CWC27: variants seen among roughly 807,000 people sequenced by gnomAD.
CWC27 encodes CWC27 spliceosome associated cyclophilin.
A neutral mutation model predicts 63.6 loss-of-function variants in CWC27; 47 were observed. The ratio of observed to expected loss-of-function variants is 0.74; its 90% CI spans 0.58 to 0.94. The LOEUF (loss-of-function observed/expected upper bound fraction) is 0.94. Ranked by LOEUF, CWC27 falls within the 40% of genes least tolerant of loss-of-function variation. The pLI is 0.00. For missense variants in CWC27, 495 were observed against 554.3 expected, an observed-to-expected ratio of 0.89 and a Z score of 1.07; for synonymous variants, 175 against 179.8, an observed-to-expected ratio of 0.97 and a Z score of 0.22.
rs551200506 is a variant in CWC27, at chr5:64,853,770, C to A, written c.939-31673C>A. On this transcript the variant is annotated intron_variant, in intron 10 of 13. Transcript: ENST00000381070. Reference sequence around the variant, plus strand: ...TTCAGGAAGGATCTGCCCCCATGACCCAAACACCTCCCACCAGGGCCAACC... The same window carrying A: ...TTCAGGAAGGATCTGCCCCCATGACACAAACACCTCCCACCAGGGCCAACC... Among the ~76,000 whole-genome samples, 4 of 152,182 alleles carry A rather than the reference C, an allele frequency of 2.6e-5. No individual in the cohort carries two copies. The South Asian group carries it at 8.3e-4, about 32-fold the overall frequency.
chr5:64,802,847 T>C (rs1454383717), intron 9 of CWC27, among the ~76,000 whole-genome samples: 1 of 152,188 alleles, frequency 6.6e-6, no homozygotes, highest in Admixed American at 6.6e-5. Context: ...AGGATCAATG[T>C]ATAGGATAGA....
intron 13 of CWC27, among the ~76,000 whole-genome samples, chr5:64,987,854 AT>A (rs1267008637): frequency 6.6e-6 from 1 of 151,910 alleles, no homozygotes; most frequent in Admixed American, 6.5e-5. Context: ...TTTCTCTACG[AT>A]TTTTTCATCT....
Position 64,942,139 on chromosome 5 carries a change from A to G in CWC27, c.1043-29564A>G, listed in dbSNP as rs1475305831. On this transcript the variant is annotated intron_variant, in intron 11 of 13. Transcript: ENST00000381070. ...CTTTATTTTATACTAATAAAGAAAA[A>G]TATTGCCTGGGTGCAATGGTTCATG... Among the ~76,000 whole-genome samples, 4 of 152,058 alleles carry G rather than the reference A, an allele frequency of 2.6e-5. No individual in the cohort carries two copies. The East Asian group carries it at 7.7e-4, about 29-fold the overall frequency.
chr5:64,827,636 G>A (rs1745398917), intron 10 of CWC27, among the ~76,000 whole-genome samples: 1 of 152,108 alleles, frequency 6.6e-6, no homozygotes. Context: ...CCAGATTGTT[G>A]TAATGCTAAT....
At chr5:65,000,699 A>T (rs898270726) in intron 13 of CWC27, among the ~76,000 whole-genome samples, 17 of 152,004 alleles carry the variant, frequency 1.1e-4, no homozygotes, top group African/African-American at 3.4e-4. Context: ...CTATTTTTAT[A>T]ACAACACCAT....
rs572060920 is a variant in CWC27, at chr5:64,895,218, AAC to A, written c.1042+9674_1042+9675del. 1.3e-4 allele frequency among the ~76,000 whole-genome samples: 20 copies of A among 152,272 alleles called. 1 individual carries two copies. In the East Asian group the frequency reaches 3.9e-3, roughly 29 times the overall value. ...AATATGTGAACACCCTATACAATGT[AAC>A]AGTCTCCTTATGCATCAGAGAAAAA... is the stretch of plus-strand genomic sequence containing the variant. On this transcript the variant is annotated intron_variant, in intron 11 of 13. Coordinates refer to ENST00000381070, the MANE Select transcript of CWC27 (RefSeq NM_005869.4).
At chr5:64,995,159 A>G (rs1284745305) in intron 13 of CWC27, among the ~76,000 whole-genome samples, 1 of 152,052 alleles carries the variant, frequency 6.6e-6, no homozygotes, top group African/African-American at 2.4e-5. Context: ...TTTAGTAGAG[A>G]CAGGGTTTCA....
At chr5:64,899,223 C>T (rs977595495) in intron 11 of CWC27, among the ~76,000 whole-genome samples, 4 of 152,120 alleles carry the variant, frequency 2.6e-5, no homozygotes, top group Non-Finnish European at 5.9e-5. Flanking sequence ...TCAGGAAAAG[C>T]TTGACCAAGT....
rs532674095 is a variant in CWC27, at chr5:64,812,967, A to G, written c.938+8581A>G. ...TTAAAAGGGTTGAACAAAAATTGCC[A>G]TTTTTGCAAATCAAAAACAGTCAAA... On this transcript the variant is annotated intron_variant, in intron 10 of 13. Transcript: ENST00000381070. Among the ~76,000 whole-genome samples, 9 of 152,242 alleles carry G rather than the reference A, an allele frequency of 5.9e-5. No individual in the cohort carries two copies. The South Asian group carries it at 1.7e-3, about 28-fold the overall frequency.
intron 10 of CWC27, among the ~76,000 whole-genome samples, chr5:64,845,250 A>G (rs994280678): frequency 1.3e-5 from 2 of 152,364 alleles, no homozygotes; most frequent in East Asian, 1.9e-4. Flanking sequence ...ATCCATGCCA[A>G]AGAACACCTA....
chr5:64,995,964 G>A (rs183464451), intron 13 of CWC27, among the ~76,000 whole-genome samples: 1 of 152,318 alleles, frequency 6.6e-6, no homozygotes, highest in South Asian at 2.1e-4. Flanking sequence ...CCAGTGCCAA[G>A]AAGGAAATAA....
chr5:64,850,955 A>T (rs1230102073), intron 10 of CWC27, among the ~76,000 whole-genome samples: 2 of 152,182 alleles, frequency 1.3e-5, no homozygotes, highest in Non-Finnish European at 2.9e-5. Flanking sequence ...TGTTGGTGGG[A>T]ATGTAAATTA....
chr5:64,968,165 G>A (rs1749052558), intron 11 of CWC27, among the ~76,000 whole-genome samples: 1 of 151,944 alleles, frequency 6.6e-6, no homozygotes, highest in Non-Finnish European at 1.5e-5. Flanking sequence ...CATCAGAAAA[G>A]TAACACTAGA....
intron 10 of CWC27, among the ~76,000 whole-genome samples, chr5:64,874,154 CTTTTTTTTTTTT>C (rs748768571): frequency 2.1e-5 from 1 of 48,776 alleles, no homozygotes; most frequent in African/African-American, 8.6e-5. Flanking sequence ...ATTGTTGATG[CTTTTTTTTTTTT>C]TTTTTTTTTT....
chr5:64,896,348 A>G (rs1025357928), intron 11 of CWC27, among the ~76,000 whole-genome samples: 2 of 152,238 alleles, frequency 1.3e-5, no homozygotes, highest in African/African-American at 4.8e-5. Flanking sequence ...GACCTATAAT[A>G]CAAAGAGTTA....
intron 10 of CWC27, among the ~76,000 whole-genome samples, chr5:64,842,283 T>C (rs905334693): frequency 6.6e-6 from 1 of 152,052 alleles, no homozygotes; most frequent in African/African-American, 2.4e-5. Context: ...AATCTGGCCT[T>C]TCCTACATTG....
At chr5:64,952,195 T>C (rs534110483) in intron 11 of CWC27, among the ~76,000 whole-genome samples, 2 of 152,154 alleles carry the variant, frequency 1.3e-5, no homozygotes, top group Admixed American at 6.6e-5. Flanking sequence ...ATAGTTGTTA[T>C]ACTGTATTAT....
At chr5:64,923,361 G>A (rs929465754) in intron 11 of CWC27, among the ~76,000 whole-genome samples, 3 of 151,804 alleles carry the variant, frequency 2.0e-5, no homozygotes, top group African/African-American at 4.8e-5. Flanking sequence ...AAAGACAGTC[G>A]GGCTCCCTCC....
intron 10 of CWC27, among the ~76,000 whole-genome samples, chr5:64,872,623 T>C (rs186493200): frequency 1.5e-3 from 223 of 152,314 alleles, no homozygotes; most frequent in African/African-American, 5.1e-3. Context: ...TTTTACATAA[T>C]GTTGAAAGTG....
Sources: allele counts gnomAD v4.1 joint callset (sites outside exome capture counted in the v4.1 genomes callset), GRCh38; gene constraint gnomAD v4.1.1; transcripts MANE v1.5; gene names NCBI Gene and HGNC (gene_info 2026-07-23, HGNC 2026-07-21).